The following SDK1 variants were observed in gnomAD, a reference collection of about 807,000 sequenced individuals.
SDK1 encodes the protein sidekick cell adhesion molecule 1.
In SDK1, 157 loss-of-function variants were observed where a neutral mutation model predicts 245.5. That is an observed-to-expected ratio of 0.64 (90% confidence interval 0.56 to 0.73). The LOEUF (loss-of-function observed/expected upper bound fraction) is 0.73, where lower values mean the gene tolerates loss of function less well. Ranked by LOEUF, SDK1 falls within the 30% of genes least tolerant of loss-of-function variation. The pLI is 0.00. For missense variants in SDK1, 3,583 were observed against 3,002.3 expected, an observed-to-expected ratio of 1.19 and a Z score of -4.52; for synonymous variants, 1,647 against 1,278.5, an observed-to-expected ratio of 1.29 and a Z score of -6.15.
chr7:4,179,027 G>T (rs1782430791), intron 35 of SDK1: 1 of 162,368 alleles, frequency 6.2e-6, no homozygotes, highest in African/African-American at 2.4e-5. Flanking sequence ...GTGGGCCATT[G>T]TCTCCACCCC....
At chr7:3,629,142 A>C (rs1243871930) in intron 2 of SDK1, among the ~76,000 whole-genome samples, 1 of 151,672 alleles carries the variant, frequency 6.6e-6, no homozygotes, top group African/African-American at 2.4e-5. Flanking sequence ...AATGCAAAAA[A>C]AAAAAAAAAT....
At position 4,239,719 on chromosome 7, in the gene SDK1, A is replaced by G. The variant is rs1401186219; in HGVS notation, c.6130+1935A>G. Among the ~76,000 whole-genome samples the G allele has an allele frequency of 2.0e-5, 3 of 152,206 alleles. No individual in the cohort carries two copies. The East Asian group carries it at 5.8e-4, about 29-fold the overall frequency. Reference sequence around the variant, plus strand: ...ATCCACCAGAGCTGTAGCTGAGCCCAGGAATGTGGTCACTTCTGTGATATC... The same window carrying G: ...ATCCACCAGAGCTGTAGCTGAGCCCGGGAATGTGGTCACTTCTGTGATATC... On this transcript the variant is annotated intron_variant, in intron 42 of 44. Coordinates refer to ENST00000404826, the MANE Select transcript of SDK1 (RefSeq NM_152744.4).
intron 1 of SDK1, among the ~76,000 whole-genome samples, chr7:3,316,719 G>A (rs982767385): frequency 6.6e-6 from 1 of 152,066 alleles, no homozygotes; most frequent in Non-Finnish European, 1.5e-5. Flanking sequence ...CTTTTTTATG[G>A]AGCTCTACAA....
chr7:4,268,868 C>T lies in SDK1; in HGVS notation c.*3484C>T, dbSNP rs921013736. ...TTTAGGGAGCCGTCAGGTCCCTAAACGTTCCCTACAACTTTTTCTGAAATT... is the reference window on the plus strand; with the variant it reads ...TTTAGGGAGCCGTCAGGTCCCTAAATGTTCCCTACAACTTTTTCTGAAATT... On this transcript the variant is annotated 3_prime_UTR_variant, in exon 45 of 45. Coordinates refer to ENST00000404826, the MANE Select transcript of SDK1 (RefSeq NM_152744.4). The T allele has an allele frequency of 2.6e-5, 15 of 581,794 alleles. 1 individual carries two copies. Among genetic ancestry groups the T allele is most frequent in the East Asian group, 5.7e-5 (1 of 17,650 alleles). The allele number at this position is 581,794 out of a possible 1,614,324, so 36.0% of individuals were successfully genotyped here.
chr7:3,461,510 G>A (rs1780829864), intron 1 of SDK1, among the ~76,000 whole-genome samples: 1 of 152,160 alleles, frequency 6.6e-6, no homozygotes, highest in Non-Finnish European at 1.5e-5. Flanking sequence ...AAAATCCTGA[G>A]AACAGAGCAA....
chr7:3,877,285 C>G (rs1472601189), intron 5 of SDK1, among the ~76,000 whole-genome samples: 1 of 152,226 alleles, frequency 6.6e-6, no homozygotes. Flanking sequence ...TTCCTCCACA[C>G]TTGAGGCCAA....
In SDK1 at chr7:3,905,001, A is replaced by T. The variant is rs1372382686; in HGVS notation, c.848-45922A>T. On this transcript the variant is annotated intron_variant, in intron 5 of 44. Coordinates refer to ENST00000404826, the MANE Select transcript of SDK1 (RefSeq NM_152744.4). The stretch of plus-strand genomic sequence containing the variant: ...GAGCGAGACTCCGTCTCAAAAAAAA[A>T]AAAAAAAATAATAATAATAAAACCT... Among the ~76,000 whole-genome samples the T allele has an allele frequency of 2.6e-3, 365 of 138,168 alleles. 3 individuals carry two copies. Among genetic ancestry groups the T allele is most frequent in the African/African-American group, 0.01 (326 of 31,768 alleles). 90.6% of individuals were successfully genotyped at this position (138,168 alleles called of 152,430 possible).
intron 5 of SDK1, among the ~76,000 whole-genome samples, chr7:3,892,423 C>T (rs990258830): frequency 2.0e-5 from 3 of 152,174 alleles, no homozygotes; most frequent in Non-Finnish European, 2.9e-5. Flanking sequence ...GGAGGGGAAG[C>T]GGGAACCCCC....
chr7:3,585,871 G>T (rs915277363), intron 1 of SDK1, among the ~76,000 whole-genome samples: 1 of 152,180 alleles, frequency 6.6e-6, no homozygotes, highest in South Asian at 2.1e-4. Flanking sequence ...TTTCCAAGAA[G>T]GGAGGGAAAG....
intron 1 of SDK1, among the ~76,000 whole-genome samples, chr7:3,598,343 G>C (rs1368005606): frequency 6.6e-6 from 1 of 152,034 alleles, no homozygotes; most frequent in East Asian, 1.9e-4. Flanking sequence ...CTCTTACTCT[G>C]TGGCTTTCTT....
In SDK1 at chr7:3,344,679, C is replaced by T. The variant is rs557474302; in HGVS notation, c.298+42795C>T. On this transcript the variant is annotated intron_variant, in intron 1 of 44. Transcript: ENST00000404826. ...CGTGTTCTTCTTCGTTGTTGCTGGA[C>T]TGGACGTAATGGCATGCTGATAGCA... Among the ~76,000 whole-genome samples the T allele has an allele frequency of 2.6e-5, 4 of 152,288 alleles. 1 individual carries two copies. The Middle Eastern group carries it at 0.014, about 518-fold the overall frequency.
At chr7:3,889,155 A>G (rs1020694962) in intron 5 of SDK1, among the ~76,000 whole-genome samples, 1 of 152,240 alleles carries the variant, frequency 6.6e-6, no homozygotes, top group Non-Finnish European at 1.5e-5. Flanking sequence ...AGTGATATCT[A>G]ATCAATGCCT....
intron 35 of SDK1, among the ~76,000 whole-genome samples, chr7:4,185,750 C>T (rs1283555595): frequency 1.3e-5 from 2 of 152,038 alleles, no homozygotes; most frequent in Non-Finnish European, 2.9e-5. Flanking sequence ...AGGGACCCCT[C>T]TTATCCCCAG....
chr7:4,208,017 C>G, intron 36 of SDK1, 82 bp from the exon 37 acceptor site: 1 of 1,048,858 alleles, frequency 9.5e-7, no homozygotes, highest in South Asian at 1.5e-5. Flanking sequence ...CTCACCCCCT[C>G]GCTTTGACCT....
At chr7:4,216,330 CA>C (rs1784792116) in intron 38 of SDK1, among the ~76,000 whole-genome samples, 1 of 152,206 alleles carries the variant, frequency 6.6e-6, no homozygotes, top group Non-Finnish European at 1.5e-5. Context: ...TGCACCTCCA[CA>C]CCCAGACTGG....
chr7:4,196,736 A>G (rs569119220), intron 35 of SDK1, among the ~76,000 whole-genome samples: 23 of 152,290 alleles, frequency 1.5e-4, no homozygotes, highest in Admixed American at 1.1e-3. Flanking sequence ...GCTCTAGACC[A>G]TGCACCACGT....
chr7:3,927,162 A>T (rs1779801505), intron 5 of SDK1, among the ~76,000 whole-genome samples: 1 of 152,162 alleles, frequency 6.6e-6, no homozygotes, highest in Non-Finnish European at 1.5e-5. Flanking sequence ...GCGAGATCTT[A>T]CTGAACCAGG....
At chr7:3,399,434 A>T (rs975461389) in intron 1 of SDK1, among the ~76,000 whole-genome samples, 1 of 152,056 alleles carries the variant, frequency 6.6e-6, no homozygotes, top group African/African-American at 2.4e-5. Flanking sequence ...TTCATCAGGG[A>T]CAGCTTCTAT....
chr7:4,199,947 T>C (rs888160790), intron 35 of SDK1, among the ~76,000 whole-genome samples: 5 of 152,196 alleles, frequency 3.3e-5, no homozygotes, highest in Admixed American at 2.6e-4. Flanking sequence ...ATACAAAAAT[T>C]AGCCGGGTGT....
Sources: gnomAD v4.1 joint callset for allele counts (sites outside exome capture counted in the v4.1 genomes callset) on GRCh38, gnomAD v4.1.1 for gene constraint, MANE v1.5 for transcripts, NCBI Gene and HGNC (gene_info 2026-07-23, HGNC 2026-07-21) for gene names.